The following RANBP17 variants were observed in gnomAD, a reference collection of about 807,000 sequenced individuals.
The protein encoded by RANBP17 is RAN binding protein 17.
In RANBP17, 158 loss-of-function variants were observed where a neutral mutation model predicts 141.2. That is an observed-to-expected ratio of 1.12 (90% CI 0.98 to 1.28). The LOEUF is 1.28. Ranked by LOEUF, RANBP17 falls within the 50% of genes most tolerant of loss-of-function variation. The probability of loss-of-function intolerance (pLI) is 0.00; values close to 1 mark genes in which losing one functional copy is unlikely to be tolerated. For missense variants in RANBP17, 1,438 were observed against 1,290.7 expected (o/e 1.11, Z -1.75); for synonymous variants, 430 against 450.0 (o/e 0.96, Z 0.56).
At chr5:171,193,499 T>G (rs899699762) in intron 18 of RANBP17, among the ~76,000 whole-genome samples, 5 of 152,232 alleles carry the variant, frequency 3.3e-5, no homozygotes, top group African/African-American at 7.2e-5. Context: ...TTTTCTGTTA[T>G]TATTGCTGTA....
intron 14 of RANBP17, among the ~76,000 whole-genome samples, chr5:171,105,101 A>G (rs245775): frequency 0.7 from 107,038 of 151,844 alleles, 38,104 homozygotes; most frequent in South Asian, 0.91. Context: ...AAAATTTTCC[A>G]GCCGGGCGCG....
At chr5:170,966,988 G>A (rs916662953) in intron 13 of RANBP17, among the ~76,000 whole-genome samples, 2 of 152,106 alleles carry the variant, frequency 1.3e-5, no homozygotes, top group Admixed American at 6.6e-5. Context: ...AACTTACAAG[G>A]GACGTGAAGG....
Position 171,109,782 on chromosome 5 carries a change from A to G in RANBP17, c.1711-60348A>G, listed in dbSNP as rs113800433. ...TTTCAATCTGCGATTGGTTGAATCT[A>G]TAGAAGGTCCAACTGTATAGTGAGA... On this transcript the variant is annotated intron_variant, in intron 14 of 27. Transcript: ENST00000523189. Among the ~76,000 whole-genome samples, 1,367 of 152,310 alleles carry G rather than the reference A, an allele frequency of 9.0e-3. 23 individuals are homozygous for G. The highest frequency in any genetic ancestry group is 0.032 in the African/African-American group (1,315 of 41,562).
chr5:170,966,562 C>G (rs1303823132), intron 13 of RANBP17, among the ~76,000 whole-genome samples: 1 of 152,046 alleles, frequency 6.6e-6, no homozygotes, highest in Non-Finnish European at 1.5e-5. Context: ...TAAGAGCTAT[C>G]TATGACAAAC....
chr5:170,894,486 T>TATATATTTA (rs376342999), intron 4 of RANBP17, among the ~76,000 whole-genome samples: 1 of 133,316 alleles, frequency 7.5e-6, no homozygotes, highest in Admixed American at 7.7e-5. Context: ...TACGTGTTTT[T>TATATATTTA]TATATATATA....
At chr5:170,941,595 A>G (rs1475018422) in intron 12 of RANBP17, among the ~76,000 whole-genome samples, 1 of 152,220 alleles carries the variant, frequency 6.6e-6, no homozygotes, top group Non-Finnish European at 1.5e-5. Context: ...ATTCTTACAA[A>G]TCAGTAAAAT....
chr5:170,991,347 C>T (rs909935070), intron 14 of RANBP17, among the ~76,000 whole-genome samples: 2 of 151,858 alleles, frequency 1.3e-5, no homozygotes, highest in Non-Finnish European at 2.9e-5. Context: ...CATATAGTCT[C>T]TGTTATTTGT....
At chr5:171,278,532 CT>C (rs1315007147) in intron 25 of RANBP17, among the ~76,000 whole-genome samples, 1 of 152,102 alleles carries the variant, frequency 6.6e-6, no homozygotes, top group African/African-American at 2.4e-5. Flanking sequence ...TGGTCAGCCA[CT>C]AGTCCTCACC....
chr5:171,072,182 G>C (rs1242741208), intron 14 of RANBP17, among the ~76,000 whole-genome samples: 1 of 152,052 alleles, frequency 6.6e-6, no homozygotes, highest in African/African-American at 2.4e-5. Flanking sequence ...ATGTTGGCTT[G>C]GAAAATGAAG....
At chr5:171,103,893 C>G (rs936958771) in intron 14 of RANBP17, among the ~76,000 whole-genome samples, 1 of 152,146 alleles carries the variant, frequency 6.6e-6, no homozygotes, top group Non-Finnish European at 1.5e-5. Flanking sequence ...GAGGTGGTGC[C>G]CCACCCACCC....
At chr5:170,975,809 C>G (rs894791435) in intron 14 of RANBP17, among the ~76,000 whole-genome samples, 6 of 150,804 alleles carry the variant, frequency 4.0e-5, no homozygotes, top group South Asian at 4.3e-4. Context: ...TTGAATAGTA[C>G]TAGGGTCTTA....
intron 3 of RANBP17, among the ~76,000 whole-genome samples, chr5:170,887,636 C>T (rs1769270975): frequency 6.6e-6 from 1 of 152,132 alleles, no homozygotes; most frequent in Admixed American, 6.6e-5. Flanking sequence ...GGGTCTATTT[C>T]TAGGTTTTTT....
At chr5:171,276,953 A>C (rs2128032371) in intron 25 of RANBP17, among the ~76,000 whole-genome samples, 1 of 150,358 alleles carries the variant, frequency 6.7e-6, no homozygotes, top group East Asian at 1.9e-4. Context: ...AACCTCTGCA[A>C]GGAAAATTTC....
intron 25 of RANBP17, among the ~76,000 whole-genome samples, chr5:171,281,357 C>T (rs1767849916): frequency 6.6e-6 from 1 of 152,124 alleles, no homozygotes; most frequent in African/African-American, 2.4e-5. Context: ...GTGTGCATGC[C>T]CATATTTAAT....
chr5:170,913,602 G>C (rs1771706870), intron 7 of RANBP17, among the ~76,000 whole-genome samples: 1 of 152,040 alleles, frequency 6.6e-6, no homozygotes, highest in Admixed American at 6.6e-5. Context: ...TGATAATAGT[G>C]GATGGGTTTT....
At chr5:170,985,160 C>T (rs1469644294) in intron 14 of RANBP17, among the ~76,000 whole-genome samples, 1 of 151,674 alleles carries the variant, frequency 6.6e-6, no homozygotes, top group Admixed American at 6.6e-5. Flanking sequence ...CACACACAGA[C>T]ACACACACAC....
chr5:170,893,891 T>G (rs1397995658), intron 4 of RANBP17, among the ~76,000 whole-genome samples: 2 of 152,102 alleles, frequency 1.3e-5, no homozygotes, highest in Non-Finnish European at 2.9e-5. Context: ...CATGGTTGAG[T>G]ATGGGCAATT....
intron 14 of RANBP17, chr5:171,028,996 G>A: frequency 7.3e-6 from 9 of 1,228,934 alleles, no homozygotes; most frequent in South Asian, 1.3e-5. Flanking sequence ...CCAGGTGAGG[G>A]CAAGTCAGTC....
chr5:171,115,317 T>G (rs1338454945), intron 14 of RANBP17, among the ~76,000 whole-genome samples: 1 of 152,168 alleles, frequency 6.6e-6, no homozygotes, highest in East Asian at 1.9e-4. Flanking sequence ...GAAATGGAAA[T>G]TATTGAGATC....
Sources: gnomAD v4.1 joint callset for allele counts (sites outside exome capture counted in the v4.1 genomes callset) on GRCh38, gnomAD v4.1.1 for gene constraint, MANE v1.5 for transcripts, NCBI Gene and HGNC (gene_info 2026-07-23, HGNC 2026-07-21) for gene names.